Variants in TENT4A observed in about 807,000 individuals in gnomAD.
TENT4A encodes DNA polymerase kappa.
TENT4A carries 7 observed loss-of-function variants against 72.8 expected under a neutral mutation model. That is an observed-to-expected ratio of 0.10 (90% CI 0.05 to 0.18). The LOEUF (loss-of-function observed/expected upper bound fraction) is 0.18, where lower values mean the gene tolerates loss of function less well. TENT4A is among the 10% of genes least tolerant of loss of function. TENT4A has a pLI of 1.00. For synonymous variants in TENT4A, 456 were observed against 434.3 expected (o/e 1.05, Z -0.62); for missense variants, 831 against 1,017.7 (o/e 0.82, Z 2.50).
rs28381423 is a variant in TENT4A at position 6,751,887 on chromosome 5, T to C, written c.2019+690T>C. Among the ~76,000 whole-genome samples, 16 of 152,320 alleles carry C rather than the reference T, an allele frequency of 1.1e-4. No homozygotes were observed. In the East Asian group the frequency reaches 2.9e-3, roughly 28 times the overall value. ...GTGTTTTGACTCATTTCTTGGAGTT[T>C]TGCACTCTGCTCTGGGGAAGACATT... On this transcript the variant is annotated intron_variant, in intron 11 of 12. Coordinates refer to ENST00000230859, the MANE Select transcript of TENT4A (RefSeq NM_006999.6).
intron 1 of TENT4A, among the ~76,000 whole-genome samples, chr5:6,724,253 G>A (rs867832960): frequency 1.3e-5 from 2 of 152,200 alleles, no homozygotes; most frequent in Non-Finnish European, 2.9e-5. Flanking sequence ...GAAGAGCCAC[G>A]CAAGACCTCT....
At chr5:6,727,968 T>C (rs1468545169) in intron 1 of TENT4A, among the ~76,000 whole-genome samples, 1 of 145,336 alleles carries the variant, frequency 6.9e-6, no homozygotes, top group African/African-American at 2.5e-5. Context: ...AGTTCTTTTC[T>C]CTGTCTCCCT....
At chr5:6,750,628 G>T (rs1050429918) in intron 10 of TENT4A, 125 bp downstream of exon 10, 17 of 905,940 alleles carry the variant, frequency 1.9e-5, no homozygotes, top group Admixed American at 6.3e-5. Context: ...TATGTGTGTG[G>T]AGGTGGGTGG....
At chr5:6,745,819 C>T (rs929402030) in intron 6 of TENT4A, 8 of 306,176 alleles carry the variant, frequency 2.6e-5, no homozygotes, top group Non-Finnish European at 4.3e-5. Context: ...CTAACACTGA[C>T]CCCTGTTGGT....
chr5:6,747,104 G>C (rs1742146225), intron 7 of TENT4A, among the ~76,000 whole-genome samples: 1 of 152,204 alleles, frequency 6.6e-6, no homozygotes, highest in South Asian at 2.1e-4. Context: ...TTAATGATTA[G>C]TGGGGTTAAA....
intron 1 of TENT4A, among the ~76,000 whole-genome samples, chr5:6,726,301 G>A (rs1458160388): frequency 2.6e-5 from 4 of 152,116 alleles, no homozygotes; most frequent in African/African-American, 7.2e-5. Flanking sequence ...TCTCGTCTCT[G>A]CCTGGGAAAC....
intron 1 of TENT4A, among the ~76,000 whole-genome samples, chr5:6,721,996 G>A (rs1255397832): frequency 6.6e-6 from 1 of 152,212 alleles, no homozygotes; most frequent in Non-Finnish European, 1.5e-5. Flanking sequence ...AGTAGTTTAA[G>A]GGAAATGAAA....
intron 1 of TENT4A, among the ~76,000 whole-genome samples, chr5:6,732,432 A>T (rs1183713304): frequency 6.6e-6 from 1 of 152,244 alleles, no homozygotes; most frequent in African/African-American, 2.4e-5. Context: ...TGCTCTTAAA[A>T]TAGCTCAGTA....
Position 6,755,205 on chromosome 5 carries a change from T to C in TENT4A, c.*260T>C. On this transcript the variant is annotated 3_prime_UTR_variant, in exon 13 of 13. Coordinates refer to ENST00000230859, the MANE Select transcript of TENT4A (RefSeq NM_006999.6). ...ATTCTTCCTTCAGTGCTGAGGCAGGTCGGGCTCAGGAACTGCAGGGACGTG... is the reference window on the plus strand; with the variant it reads ...ATTCTTCCTTCAGTGCTGAGGCAGGCCGGGCTCAGGAACTGCAGGGACGTG... 1 of 374,562 alleles carries C rather than the reference T, an allele frequency of 2.7e-6. No individual in the cohort carries two copies. Among genetic ancestry groups the C allele is most frequent in the Non-Finnish European group, 4.8e-6 (1 of 208,218 alleles). The allele number at this position is 374,562 out of a possible 1,614,324, so 23.2% of individuals were successfully genotyped here.
intron 1 of TENT4A, among the ~76,000 whole-genome samples, chr5:6,720,071 G>A (rs1431662065): frequency 3.3e-5 from 5 of 152,184 alleles, no homozygotes; most frequent in African/African-American, 4.8e-5. Flanking sequence ...ATTGGGTAGG[G>A]CGCTGTCAGC....
intron 7 of TENT4A, among the ~76,000 whole-genome samples, chr5:6,747,729 A>G (rs1742184821): frequency 6.6e-6 from 1 of 152,260 alleles, no homozygotes; most frequent in Non-Finnish European, 1.5e-5. Context: ...ATATAAATCT[A>G]GAAAAGATAA....
At position 6,752,934 on chromosome 5, in the gene TENT4A, G is replaced by A. The variant is rs1402184302; in HGVS notation, c.2081G>A (p.Gly694Asp). The A allele has an allele frequency of 2.5e-6, 4 of 1,614,062 alleles. No homozygotes were observed. In the Admixed American group the frequency reaches 5.0e-5, roughly 20 times the overall value. ...GCTCCTGTTCCTTGCAGACAAGCTG[G>A]TGTAGAAGGAACTGCGTCTTTGAAA... ...GVAPVPCRQA[G>D]VEGTASLKAV... Residue 694 changes from glycine (G) to aspartate (D), a missense_variant, in exon 12 of 13, where the codon GGT becomes GAT. Physicochemically the swap from Gly to Asp is moderately conservative, Grantham distance 94. Around this residue, in one of 3 missense-constraint regions of TENT4A, gnomAD observed 332 missense variants for 324.3 expected, o/e 1.02. Coordinates refer to ENST00000230859, the MANE Select transcript of TENT4A (RefSeq NM_006999.6).
chr5:6,742,362 G>T, intron 4 of TENT4A, 128 bp from the exon 5 acceptor site: 1 of 637,284 alleles, frequency 1.6e-6, no homozygotes, highest in African/African-American at 1.8e-5. Context: ...GATGCTGACA[G>T]TGTTCTCTGA....
Position 6,717,155 on chromosome 5 carries a change from T to C in TENT4A, c.716+2456T>C, listed in dbSNP as rs565857555. On this transcript the variant is annotated intron_variant, in intron 1 of 12. Transcript: ENST00000230859. ...CTTTTTGTATCAATAAATAGTTCTG[T>C]CTAGAACTTGCTTCTGGCCATCAGC... 1.3e-4 allele frequency among the ~76,000 whole-genome samples: 20 copies of C among 152,340 alleles called. No individual in the cohort carries two copies. In the East Asian group the frequency reaches 3.5e-3, roughly 26 times the overall value.
At chr5:6,738,541 A>C (rs1034144533) in intron 2 of TENT4A, 142 bp from the exon 3 acceptor site, 1 of 701,954 alleles carries the variant, frequency 1.4e-6, no homozygotes, top group East Asian at 2.5e-5. Context: ...GTTGATTGTT[A>C]TACGGTCCCC....
At chr5:6,751,437 CCAGG>C in intron 11 of TENT4A, 12 of 485,114 alleles carry the variant, frequency 2.5e-5, no homozygotes, top group Non-Finnish European at 2.6e-5. Flanking sequence ...TTCACGGGGG[CCAGG>C]TTGACTGCCT....
chr5:6,728,156 G>A (rs1741030426), intron 1 of TENT4A, among the ~76,000 whole-genome samples: 1 of 152,180 alleles, frequency 6.6e-6, no homozygotes, highest in East Asian at 1.9e-4. Context: ...CCCGTGAGGT[G>A]TAGGCAGGTG....
chr5:6,744,269 A>T (rs1398063519), intron 6 of TENT4A, among the ~76,000 whole-genome samples: 1 of 152,242 alleles, frequency 6.6e-6, no homozygotes, highest in Non-Finnish European at 1.5e-5. Context: ...AAACATCATT[A>T]TTTTGTCTTA....
Position 6,714,003 on chromosome 5 carries a change from G to T in TENT4A, c.20G>T (p.Trp7Leu). MDPRVA[W>L]IQPEQKGPAN... ...GCGTGGATGGATCCGCGCGTGGCCT[G>T]GATCCAGCCCGAGCAGAAGGGGCCG... The change falls in exon 1 of 13, where the codon TGG (tryptophan) becomes TTG (leucine). Residue 7 changes from tryptophan to leucine, a missense_variant. This residue lies in a region of TENT4A where 302 missense variants were observed against 293.8 expected (regional missense o/e 1.03). Coordinates refer to ENST00000230859, the MANE Select transcript of TENT4A (RefSeq NM_006999.6). 1 of 982,068 alleles carries T rather than the reference G, an allele frequency of 1.0e-6. No individual in the cohort carries two copies. The highest frequency in any genetic ancestry group is 4.5e-5 in the South Asian group (1 of 22,044). The allele number at this position is 982,068 out of a possible 1,614,324, so 60.8% of individuals were successfully genotyped here. A position where few individuals can be genotyped will look rare whatever the true frequency, so the allele number is the denominator to read the frequency against.
Sources: gnomAD v4.1 joint callset for allele counts (sites outside exome capture counted in the v4.1 genomes callset) on GRCh38, gnomAD v4.1.1 for gene constraint, gnomAD v4.1.1 regional missense constraint, MANE v1.5 for transcripts, NCBI Gene and HGNC (gene_info 2026-07-23, HGNC 2026-07-21) for gene names.